The following PTPN9 variants were observed in gnomAD, a reference collection of about 807,000 sequenced individuals.
PTPN9 encodes tyrosine-protein phosphatase non-receptor type 9.
A neutral mutation model predicts 69.8 loss-of-function variants in PTPN9; 26 were observed. The ratio of observed to expected loss-of-function variants is 0.37; its 90% CI spans 0.27 to 0.52. The LOEUF (loss-of-function observed/expected upper bound fraction) is 0.52, where lower values mean the gene tolerates loss of function less well. PTPN9 is among the 20% of genes least tolerant of loss of function. PTPN9 has a pLI of 0.91. For synonymous variants in PTPN9, 274 were observed against 272.5 expected (o/e 1.01, Z -0.05); for missense variants, 549 against 740.3 (o/e 0.74, Z 3.00).
At chr15:75,567,590 C>CA (rs1397335138) in intron 1 of PTPN9, among the ~76,000 whole-genome samples, 1 of 152,138 alleles carries the variant, frequency 6.6e-6, no homozygotes, top group African/African-American at 2.4e-5. Flanking sequence ...AATAAACTTA[C>CA]CTGTGCTACC....
chr15:75,489,889 G>A (rs1288456136), intron 8 of PTPN9, among the ~76,000 whole-genome samples: 1 of 152,110 alleles, frequency 6.6e-6, no homozygotes, highest in Non-Finnish European at 1.5e-5. Flanking sequence ...CAAAGGAATT[G>A]CACTATATGA....
chr15:75,574,356 A>T (rs2075162211), intron 1 of PTPN9, among the ~76,000 whole-genome samples: 1 of 151,810 alleles, frequency 6.6e-6, no homozygotes, highest in Admixed American at 6.6e-5. Flanking sequence ...CGGGGCAGGC[A>T]GGCTGAGGGG....
At chr15:75,560,386 C>T (rs963003639) in intron 1 of PTPN9, among the ~76,000 whole-genome samples, 20 of 152,152 alleles carry the variant, frequency 1.3e-4, no homozygotes, top group African/African-American at 4.8e-4. Context: ...ATTTTTTCTT[C>T]ATTTTTGGGG....
At chr15:75,568,114 G>A (rs1026737440) in intron 1 of PTPN9, among the ~76,000 whole-genome samples, 1 of 152,022 alleles carries the variant, frequency 6.6e-6, no homozygotes, top group Non-Finnish European at 1.5e-5. Flanking sequence ...GGACCTAAGA[G>A]ATCAGCAATC....
At chr15:75,504,283 CG>C (rs2074799670) in intron 7 of PTPN9, among the ~76,000 whole-genome samples, 1 of 131,850 alleles carries the variant, frequency 7.6e-6, no homozygotes. Flanking sequence ...CCCGGCCAGC[CG>C]CCCCGTCCGG....
chr15:75,469,879 C>A lies in PTPN9; in HGVS notation c.1480G>T (p.Ala494Ser), dbSNP rs1370851647. Residue 494 changes from alanine (A) to serine (S), a missense_variant, in exon 12 of 13, where the codon GCT becomes TCT. Transcript: ENST00000618819. ...GAGCGTGCTCCCATGTTGCTCACAG[C>A]CAGACTCTGCTGGTTTCTGACCACT... is the stretch of plus-strand genomic sequence containing the variant. ...LRVVRNQQSLAVSNMGARSKG... is the reference protein window; with the variant it reads ...LRVVRNQQSLSVSNMGARSKG... 1 of 1,614,162 alleles carries A rather than the reference C, an allele frequency of 6.2e-7. No homozygotes were observed. The highest frequency in any genetic ancestry group is 8.5e-7 in the Non-Finnish European group (1 of 1,180,052).
intron 1 of PTPN9, among the ~76,000 whole-genome samples, chr15:75,560,571 G>A (rs2075100071): frequency 6.6e-6 from 1 of 152,176 alleles, no homozygotes; most frequent in East Asian, 1.9e-4. Flanking sequence ...GTATAAAAGA[G>A]CAGTAAAAAT....
At chr15:75,495,666 G>C (rs543050083) in intron 7 of PTPN9, among the ~76,000 whole-genome samples, 1 of 151,950 alleles carries the variant, frequency 6.6e-6, no homozygotes, top group South Asian at 2.1e-4. Context: ...GCAGTGAGCC[G>C]AGATCGCGCC....
At position 75,520,472 on chromosome 15, in the gene PTPN9, AGATAGATAGATG is replaced by A. The variant is rs769992517; in HGVS notation, c.422+2637_422+2648del. ...TAGATAGATAGATAGATAGATAGAT[AGATAGATAGATG>A]TGTGTGTGTTTATATATGTGTGTAT... On this transcript the variant is annotated intron_variant, in intron 4 of 12. Transcript: ENST00000618819. Among the ~76,000 whole-genome samples the A allele has an allele frequency of 5.8e-3, 829 of 142,490 alleles. 6 individuals are homozygous for A. The highest frequency in any genetic ancestry group is 0.016 in the African/African-American group (603 of 37,366). The allele number at this position is 142,490 out of a possible 152,430, so 93.5% of individuals were successfully genotyped here. A position where few individuals can be genotyped will look rare whatever the true frequency, so the allele number is the denominator to read the frequency against.
intron 6 of PTPN9, 142 bp from the exon 7 acceptor site, chr15:75,506,145 G>A: frequency 5.9e-6 from 4 of 682,050 alleles, no homozygotes; most frequent in Non-Finnish European, 9.7e-6. Flanking sequence ...AAAAGTAGTA[G>A]ACTACATTTC....
intron 8 of PTPN9, among the ~76,000 whole-genome samples, chr15:75,481,357 CG>C (rs2074633479): frequency 8.9e-5 from 1 of 11,208 alleles, no homozygotes; most frequent in Admixed American, 9.7e-4. Context: ...GGTCAGCCCC[CG>C]GCCCGGCCAG....
At chr15:75,516,359 A>G (rs2074869364) in intron 5 of PTPN9, among the ~76,000 whole-genome samples, 1 of 145,434 alleles carries the variant, frequency 6.9e-6, no homozygotes, top group Non-Finnish European at 1.5e-5. Context: ...GCTGGAGTGC[A>G]GTGGCACGAT....
chr15:75,537,625 C>T (rs1311638701), intron 1 of PTPN9, among the ~76,000 whole-genome samples: 8 of 147,058 alleles, frequency 5.4e-5, no homozygotes, highest in African/African-American at 2.0e-4. Context: ...CGTGGTGGTG[C>T]GCACCTGTAG....
intron 7 of PTPN9, among the ~76,000 whole-genome samples, chr15:75,501,568 G>A (rs1186384582): frequency 6.7e-6 from 1 of 150,116 alleles, no homozygotes; most frequent in African/African-American, 2.5e-5. Flanking sequence ...GGGCTCAAGT[G>A]ATCCTCCTGC....
intron 4 of PTPN9, among the ~76,000 whole-genome samples, chr15:75,517,990 C>T (rs1169753812): frequency 6.6e-6 from 1 of 152,134 alleles, no homozygotes; most frequent in African/African-American, 2.4e-5. Flanking sequence ...ACAAAACTGC[C>T]TCTAAGCTCA....
chr15:75,513,826 C>T (rs372254502), intron 5 of PTPN9, among the ~76,000 whole-genome samples: 8 of 151,590 alleles, frequency 5.3e-5, no homozygotes, highest in African/African-American at 1.7e-4. Flanking sequence ...GGGCTGGGCA[C>T]GGTGGCTCAC....
intron 4 of PTPN9, among the ~76,000 whole-genome samples, chr15:75,519,697 C>T (rs574038289): frequency 6.6e-6 from 1 of 151,698 alleles, no homozygotes; most frequent in South Asian, 2.1e-4. Context: ...GTCTCAAACT[C>T]CTGACCTCAA....
At chr15:75,564,409 A>G (rs1316810978) in intron 1 of PTPN9, among the ~76,000 whole-genome samples, 1 of 152,020 alleles carries the variant, frequency 6.6e-6, no homozygotes, top group Admixed American at 6.6e-5. Context: ...CCTGGCTAAC[A>G]CAGTGAAACC....
intron 7 of PTPN9, among the ~76,000 whole-genome samples, chr15:75,494,534 G>C (rs2074729227): frequency 6.6e-6 from 1 of 151,676 alleles, no homozygotes; most frequent in African/African-American, 2.4e-5. Flanking sequence ...TATATTTTTA[G>C]CAGAGACGGG....
Sources: gnomAD v4.1 joint callset for allele counts (sites outside exome capture counted in the v4.1 genomes callset) on GRCh38, gnomAD v4.1.1 for gene constraint, MANE v1.5 for transcripts, NCBI Gene and HGNC (gene_info 2026-07-23, HGNC 2026-07-21) for gene names.